The following CD163L1 variants were observed in gnomAD, a reference collection of about 807,000 sequenced individuals.
CD163L1 encodes the protein scavenger receptor cysteine-rich type 1 protein M160.
Under a neutral mutation model 165.4 loss-of-function variants are expected in CD163L1, and 124 were observed. The observed-to-expected ratio is 0.75, with a 90% CI of 0.65 to 0.87. The LOEUF (loss-of-function observed/expected upper bound fraction) is 0.87, where lower values mean the gene tolerates loss of function less well. CD163L1 is among the 40% of genes least tolerant of loss of function. The pLI, the probability that CD163L1 is intolerant of heterozygous loss-of-function variation, is 0.00. For synonymous variants in CD163L1, 585 were observed against 662.2 expected, an observed-to-expected ratio of 0.88 and a Z score of 1.79; for missense variants, 1,525 against 1,799.9, an observed-to-expected ratio of 0.85 and a Z score of 2.76.
At chr12:7,421,000 TATATATATACGTGTATATATATAC>T (rs1383640625) in intron 4 of CD163L1, among the ~76,000 whole-genome samples, 2 of 127,904 alleles carry the variant, frequency 1.6e-5, no homozygotes, top group African/African-American at 6.6e-5. Flanking sequence ...TATATACATA[TATATATATACGTGTATATATATAC>T]ATATATATAT....
At chr12:7,337,256 C>T in the CD163L1 span, among the ~76,000 whole-genome samples, 8 of 152,000 alleles carry the variant, frequency 5.3e-5, no homozygotes, top group Admixed American at 2.6e-4. Context: ...GACATAAGCA[C>T]GGGCAAAGAC....
At chr12:7,410,207 G>T (rs1948107296) in intron 4 of CD163L1, among the ~76,000 whole-genome samples, 2 of 152,214 alleles carry the variant, frequency 1.3e-5, no homozygotes, top group South Asian at 2.1e-4. Flanking sequence ...AGGAAAAAAA[G>T]GTTTCAAGAG....
In CD163L1 at chr12:7,432,351, C is replaced by T; in HGVS notation, c.766+65G>A. 10 of 1,239,984 alleles carry T rather than the reference C, an allele frequency of 8.1e-6. No homozygotes were observed. Among genetic ancestry groups the T allele is most frequent in the Non-Finnish European group, 1.0e-5 (9 of 882,540 alleles). 76.8% of individuals were successfully genotyped at this position (1,239,984 alleles called of 1,614,324 possible). A position where few individuals can be genotyped will look rare whatever the true frequency, so the allele number is the denominator to read the frequency against. Reference sequence around the variant, plus strand: ...TCTCCAGAGAATGATTGACCTTTTTCTTTCCATACATACTGTTTCTAAACA... The same window carrying T: ...TCTCCAGAGAATGATTGACCTTTTTTTTTCCATACATACTGTTTCTAAACA... On this transcript the variant is annotated intron_variant, in intron 4 of 19. Coordinates refer to ENST00000313599, the MANE Select transcript of CD163L1 (RefSeq NM_174941.6). This position sits in a 1 kb window ranked among gnomAD's most constrained non-coding sequence, Gnocchi z 4.2.
intron 8 of CD163L1, among the ~76,000 whole-genome samples, chr12:7,380,719 T>C (rs1297697462): frequency 1.3e-5 from 2 of 152,028 alleles, no homozygotes; most frequent in Non-Finnish European, 2.9e-5. Context: ...ATCTCACAAA[T>C]CAAAACTAAA....
chr12:7,421,099 A>G (rs28845536), intron 4 of CD163L1, among the ~76,000 whole-genome samples: 4 of 122,342 alleles, frequency 3.3e-5, no homozygotes, highest in Non-Finnish European at 5.1e-5. Context: ...ATATATATGT[A>G]TATATACATT....
At chr12:7,375,057 T>A in intron 11 of CD163L1, 134 bp from the exon 12 acceptor site, 1 of 900,612 alleles carries the variant, frequency 1.1e-6, no homozygotes. Flanking sequence ...GAAATCATTT[T>A]TATTAATGAT....
At chr12:7,323,402 G>T in the CD163L1 span, 1 of 1,597,400 alleles carries the variant, frequency 6.3e-7, no homozygotes, top group Non-Finnish European at 8.6e-7. Context: ...TTCATAAGCT[G>T]CTTTCATTTT....
chr12:7,412,724 A>G (rs1372569886), intron 4 of CD163L1, among the ~76,000 whole-genome samples: 2 of 152,190 alleles, frequency 1.3e-5, no homozygotes, highest in South Asian at 2.1e-4. Context: ...GAAAGACCTC[A>G]TATCTCCCAC....
intron 4 of CD163L1, among the ~76,000 whole-genome samples, chr12:7,413,777 G>A (rs751110015): frequency 6.6e-6 from 1 of 152,286 alleles, no homozygotes; most frequent in South Asian, 2.1e-4. Flanking sequence ...GTACAACCTT[G>A]AGCACTTCTG....
rs1196003525 is a variant in CD163L1, at chr12:7,347,983, C to G, written c.*25-836G>C. On this transcript the variant is annotated intron_variant, in intron 4 of 4. Coordinates refer to the CD163L1 transcript ENST00000539726. This position sits in a 1 kb window ranked among gnomAD's most constrained non-coding sequence, Gnocchi z 4.2. ...ATTTTTCTTCTTTAAATATTTACTA[C>G]TTTGCATCATTAAATTAACACATTT... Among the ~76,000 whole-genome samples the G allele has an allele frequency of 6.6e-6, 1 of 152,142 alleles. No individual in the cohort carries two copies. The highest frequency in any genetic ancestry group is 2.4e-5 in the African/African-American group (1 of 41,444).
chr12:7,422,147 T>C (rs1464564275), intron 4 of CD163L1, among the ~76,000 whole-genome samples: 1 of 151,950 alleles, frequency 6.6e-6, no homozygotes, highest in African/African-American at 2.4e-5. Context: ...ACTAGGCAAA[T>C]AGGGTCTGGA....
At chr12:7,422,085 G>C (rs1266276398) in intron 4 of CD163L1, among the ~76,000 whole-genome samples, 1 of 152,120 alleles carries the variant, frequency 6.6e-6, no homozygotes, top group Non-Finnish European at 1.5e-5. Flanking sequence ...AAAGCTTCTA[G>C]AGGAAAGAGC....
At chr12:7,335,716 C>A in the CD163L1 span, among the ~76,000 whole-genome samples, 1 of 152,198 alleles carries the variant, frequency 6.6e-6, no homozygotes, top group Non-Finnish European at 1.5e-5. Context: ...TCAGAGTGAA[C>A]AGGCAACCTA....
intron 18 of CD163L1, among the ~76,000 whole-genome samples, chr12:7,362,084 C>T (rs1946904084): frequency 6.7e-6 from 1 of 148,768 alleles, no homozygotes; most frequent in African/African-American, 2.5e-5. Context: ...TGTATATATA[C>T]ACATACATGT....
intron 2 of CD163L1, among the ~76,000 whole-genome samples, chr12:7,437,711 C>T (rs1035166707): frequency 6.8e-5 from 10 of 146,180 alleles, no homozygotes; most frequent in African/African-American, 2.3e-4. Flanking sequence ...TATTTGAAAA[C>T]CGGAAAATAC....
chr12:7,429,646 G>A, intron 4 of CD163L1, among the ~76,000 whole-genome samples: 1 of 151,828 alleles, frequency 6.6e-6, no homozygotes, highest in Non-Finnish European at 1.5e-5. Flanking sequence ...TACTATCAAA[G>A]CTGCTGTGTA....
intron 8 of CD163L1, among the ~76,000 whole-genome samples, chr12:7,394,204 G>A (rs1156582891): frequency 6.6e-6 from 1 of 152,036 alleles, no homozygotes; most frequent in Non-Finnish European, 1.5e-5. Flanking sequence ...ATACTACAAG[G>A]CTATAGTAAC....
chr12:7,438,995 G>A, intron 2 of CD163L1: 1 of 1,604,566 alleles, frequency 6.2e-7, no homozygotes, highest in Admixed American at 1.8e-5. Flanking sequence ...CTTTCTCGGG[G>A]TCTTCTTTTT....
At chr12:7,407,519 ATTTCCTTACTTC>A (rs1449701872) in intron 4 of CD163L1, among the ~76,000 whole-genome samples, 1 of 151,712 alleles carries the variant, frequency 6.6e-6, no homozygotes, top group African/African-American at 2.4e-5. Flanking sequence ...GCCTTTCCTT[ATTTCCTTACTTC>A]TTTACATCAC....
Sources: allele counts gnomAD v4.1 joint callset (sites outside exome capture counted in the v4.1 genomes callset), GRCh38; gene constraint gnomAD v4.1.1; non-coding constraint Gnocchi (gnomAD v3.1); transcripts MANE v1.5; gene names NCBI Gene and HGNC (gene_info 2026-07-23, HGNC 2026-07-21).